CNTNAP4: variants seen among roughly 807,000 people sequenced by gnomAD.
CNTNAP4 encodes the protein contactin-associated protein-like 4.
Under a neutral mutation model 148.4 loss-of-function variants are expected in CNTNAP4, and 98 were observed. The ratio of observed to expected loss-of-function variants is 0.66; its 90% confidence interval spans 0.56 to 0.78. The LOEUF is 0.78. Ranked by LOEUF, CNTNAP4 falls within the 30% of genes least tolerant of loss-of-function variation. The pLI is 0.00. For missense variants in CNTNAP4, 1,935 were observed against 1,565.6 expected, an observed-to-expected ratio of 1.24 and a Z score of -3.98; for synonymous variants, 730 against 565.1, an observed-to-expected ratio of 1.29 and a Z score of -4.14.
At chr16:76,515,416 G>A (rs1389552898) in intron 15 of CNTNAP4, among the ~76,000 whole-genome samples, 2 of 152,068 alleles carry the variant, frequency 1.3e-5, no homozygotes, top group Non-Finnish European at 2.9e-5. Context: ...GTCCTTATAA[G>A]AAAGAGACAC....
At chr16:76,452,265 C>T (rs1012295757) in intron 7 of CNTNAP4, among the ~76,000 whole-genome samples, 27 of 152,124 alleles carry the variant, frequency 1.8e-4, no homozygotes, top group Non-Finnish European at 2.6e-4. Context: ...AATGTGTATT[C>T]TTCTAAATAA....
chr16:76,496,106 T>TGTGTGTGC (rs1257705029), intron 14 of CNTNAP4, among the ~76,000 whole-genome samples: 2 of 150,526 alleles, frequency 1.3e-5, no homozygotes, highest in Non-Finnish European at 3.0e-5. Flanking sequence ...TGTGTGTGTG[T>TGTGTGTGC]GCGTGTATTT....
At chr16:76,288,188 G>T (rs893039795) in intron 1 of CNTNAP4, among the ~76,000 whole-genome samples, 3 of 151,980 alleles carry the variant, frequency 2.0e-5, no homozygotes, top group African/African-American at 7.3e-5. Context: ...CCCTTCACTT[G>T]GCTCTCAGTC....
chr16:76,373,981 G>T (rs958441495), intron 3 of CNTNAP4, among the ~76,000 whole-genome samples: 1 of 151,324 alleles, frequency 6.6e-6, no homozygotes, highest in Non-Finnish European at 1.5e-5. Flanking sequence ...CTATAAATCA[G>T]AGAGATAAGA....
rs1166965213 is a variant in CNTNAP4, at chr16:76,540,687, T to C, written c.3355-16T>C. ...CATCCATTTGGATGTTTTTATCTTG[T>C]GTAATAATTTTGTAGATTGACGATA... On this transcript the variant is annotated splice_polypyrimidine_tract_variant and intron_variant, in intron 20 of 23. Transcript: ENST00000611870. 5 of 1,531,368 alleles carry C rather than the reference T, an allele frequency of 3.3e-6. No individual in the cohort carries two copies. Among genetic ancestry groups the C allele is most frequent in the East Asian group, 2.4e-5 (1 of 41,436 alleles). 94.9% of individuals were successfully genotyped at this position (1,531,368 alleles called of 1,614,324 possible).
At chr16:76,416,597 A>T (rs532362170) in intron 3 of CNTNAP4, among the ~76,000 whole-genome samples, 39 of 151,528 alleles carry the variant, frequency 2.6e-4, no homozygotes, top group African/African-American at 8.4e-4. Flanking sequence ...TTATGACCTG[A>T]GAGCATACAT....
At chr16:76,311,119 C>G (rs1022766063) in intron 1 of CNTNAP4, among the ~76,000 whole-genome samples, 4 of 152,020 alleles carry the variant, frequency 2.6e-5, no homozygotes, top group African/African-American at 9.7e-5. Flanking sequence ...GGTAATATTA[C>G]ACACAGATTA....
chr16:76,447,867 A>G (rs1022217584), intron 4 of CNTNAP4, 145 bp from the exon 5 acceptor site: 3 of 617,080 alleles, frequency 4.9e-6, no homozygotes, highest in African/African-American at 1.8e-5. Context: ...TTATCAGGAT[A>G]TAACTCCATC....
chr16:76,499,064 AAT>A (rs2082522904), intron 15 of CNTNAP4, among the ~76,000 whole-genome samples: 1 of 94,862 alleles, frequency 1.1e-5, no homozygotes, highest in African/African-American at 3.8e-5. Flanking sequence ...CTTTTACCAC[AAT>A]TTTTTTTTTT....
At chr16:76,477,922 C>G (rs1375474467) in intron 11 of CNTNAP4, among the ~76,000 whole-genome samples, 1 of 152,102 alleles carries the variant, frequency 6.6e-6, no homozygotes, top group African/African-American at 2.4e-5. Flanking sequence ...CTGTGACCCA[C>G]AATTTGATAC....
chr16:76,310,024 T>G, intron 1 of CNTNAP4: 1 of 610,390 alleles, frequency 1.6e-6, no homozygotes, highest in Non-Finnish European at 3.0e-6. Flanking sequence ...CTTCTTGCAC[T>G]GGTTGCTTCA....
intron 21 of CNTNAP4, among the ~76,000 whole-genome samples, chr16:76,545,232 C>A (rs969759085): frequency 6.6e-6 from 1 of 152,056 alleles, no homozygotes; most frequent in African/African-American, 2.4e-5. Context: ...GTCTTCAGTG[C>A]GTAGCATGAC....
intron 14 of CNTNAP4, among the ~76,000 whole-genome samples, chr16:76,496,109 G>C (rs567063484): frequency 6.6e-6 from 1 of 151,884 alleles, no homozygotes; most frequent in East Asian, 1.9e-4. Flanking sequence ...GTGTGTGTGC[G>C]TGTATTTCTT....
chr16:76,427,292 C>T (rs755429153), intron 3 of CNTNAP4, among the ~76,000 whole-genome samples, 160 bp from the exon 4 acceptor site: 10 of 151,978 alleles, frequency 6.6e-5, no homozygotes, highest in Non-Finnish European at 1.0e-4. Context: ...TCTCTGGATG[C>T]AGAGACATCA....
chr16:76,307,847 A>G (rs879204317), intron 1 of CNTNAP4, among the ~76,000 whole-genome samples: 1 of 152,176 alleles, frequency 6.6e-6, no homozygotes, highest in Admixed American at 6.5e-5. Context: ...TAATCCATTA[A>G]TTGTGAAGAT....
chr16:76,427,421 C>T (rs2079447840), intron 3 of CNTNAP4, 31 bp from the exon 4 acceptor site: 1 of 1,584,386 alleles, frequency 6.3e-7, no homozygotes, highest in African/African-American at 1.4e-5. Context: ...TCTCCAGATA[C>T]ATTGATGTGC....
chr16:76,356,411 A>T (rs933574124), intron 3 of CNTNAP4, among the ~76,000 whole-genome samples: 7 of 152,166 alleles, frequency 4.6e-5, no homozygotes, highest in Non-Finnish European at 1.0e-4. Context: ...TGTTGTAAAC[A>T]GTGGTGCAGC....
At chr16:76,309,721 C>T in intron 1 of CNTNAP4, 1 of 603,188 alleles carries the variant, frequency 1.7e-6, no homozygotes, top group South Asian at 1.9e-5. Flanking sequence ...TGACAGGGAC[C>T]CAGGTGGAGG....
At chr16:76,319,332 C>T (rs939612574) in intron 2 of CNTNAP4, among the ~76,000 whole-genome samples, 10 of 151,932 alleles carry the variant, frequency 6.6e-5, no homozygotes, top group African/African-American at 2.4e-4. Context: ...GTGCAGGTAA[C>T]GTGAGCCAAG....
Sources: gnomAD v4.1 joint callset for allele counts (sites outside exome capture counted in the v4.1 genomes callset) on GRCh38, gnomAD v4.1.1 for gene constraint, MANE v1.5 for transcripts, NCBI Gene and HGNC (gene_info 2026-07-23, HGNC 2026-07-21) for gene names.